FRMD4A: variants seen among roughly 807,000 people sequenced by gnomAD.
The protein encoded by FRMD4A is FERM domain-containing protein 4A.
FRMD4A carries 29 observed loss-of-function variants against 129.1 expected under a neutral mutation model. That is an observed-to-expected ratio of 0.22 (90% CI 0.17 to 0.31). FRMD4A has a LOEUF of 0.31. Among genes scored for constraint, FRMD4A ranks in the 10% least tolerant of loss-of-function variants. The pLI is 1.00. For synonymous variants in FRMD4A, 634 were observed against 571.6 expected, an observed-to-expected ratio of 1.11 and a Z score of -1.56; for missense variants, 1,272 against 1,375.8, an observed-to-expected ratio of 0.92 and a Z score of 1.19.
At chr10:13,841,001 G>C (rs2093956189) in intron 3 of FRMD4A, among the ~76,000 whole-genome samples, 1 of 152,064 alleles carries the variant, frequency 6.6e-6, no homozygotes, top group East Asian at 1.9e-4. Context: ...CAAGCTACTA[G>C]GGAGGCTGAG....
intron 2 of FRMD4A, among the ~76,000 whole-genome samples, chr10:14,038,446 A>G (rs1408290006): frequency 6.6e-6 from 1 of 152,232 alleles, no homozygotes; most frequent in Non-Finnish European, 1.5e-5. Flanking sequence ...GATGAAAATT[A>G]AAATGACGCT....
chr10:14,024,946 C>T (rs1173052268), intron 2 of FRMD4A, among the ~76,000 whole-genome samples: 1 of 152,224 alleles, frequency 6.6e-6, no homozygotes, highest in African/African-American at 2.4e-5. Context: ...GGCAGTGGGT[C>T]CCACAGAAGT....
intron 2 of FRMD4A, among the ~76,000 whole-genome samples, chr10:14,084,652 T>C (rs1836151057): frequency 6.6e-6 from 1 of 152,230 alleles, no homozygotes; most frequent in African/African-American, 2.4e-5. Flanking sequence ...TACTCCTACC[T>C]GCCTCCTTTA....
chr10:14,043,259 G>A (rs892454193), intron 2 of FRMD4A, among the ~76,000 whole-genome samples: 5 of 152,080 alleles, frequency 3.3e-5, no homozygotes, highest in African/African-American at 1.2e-4. Context: ...ATTTTTTTAT[G>A]AGAAATTCTA....
chr10:13,740,602 G>A lies in FRMD4A; in HGVS notation c.549-25C>T, dbSNP rs373333975. 7.9e-5 allele frequency: 103 copies of A among 1,296,386 alleles called. No homozygotes were observed. In the African/African-American group the frequency reaches 1.3e-3, roughly 17 times the overall value. The allele number at this position is 1,296,386 out of a possible 1,614,324, so 80.3% of individuals were successfully genotyped here. On this transcript the variant is annotated intron_variant, in intron 9 of 24. Transcript: ENST00000357447. ...ACTGTAATTAGAAGAAAAGAATGCT[G>A]TTGTTGGAGTCTCTAGGTCAACAGC...
intron 2 of FRMD4A, among the ~76,000 whole-genome samples, chr10:13,922,095 G>A (rs541939894): frequency 1.2e-4 from 18 of 152,278 alleles, no homozygotes; most frequent in South Asian, 6.2e-4. Flanking sequence ...GAAGGTGGCC[G>A]TCTGCAAGCC....
At chr10:13,734,641 ACTTCT>A (rs1348906035) in intron 12 of FRMD4A, among the ~76,000 whole-genome samples, 3 of 123,126 alleles carry the variant, frequency 2.4e-5, no homozygotes, top group Admixed American at 8.1e-5. Flanking sequence ...CTCTGTGGGG[ACTTCT>A]CTTCTCCTTA....
intron 2 of FRMD4A, among the ~76,000 whole-genome samples, chr10:13,942,901 C>T (rs2095303950): frequency 2.0e-5 from 3 of 151,610 alleles, no homozygotes; most frequent in African/African-American, 7.3e-5. Context: ...CCACTGCACT[C>T]TAGCCTGGCG....
At chr10:13,771,939 A>C (rs1422021847) in intron 6 of FRMD4A, among the ~76,000 whole-genome samples, 6 of 151,422 alleles carry the variant, frequency 4.0e-5, no homozygotes, top group East Asian at 1.9e-4. Context: ...CAAACAAAAC[A>C]AAACAAAACA....
intron 6 of FRMD4A, among the ~76,000 whole-genome samples, chr10:13,763,876 C>G (rs993611749): frequency 6.6e-6 from 1 of 152,030 alleles, no homozygotes; most frequent in Admixed American, 6.6e-5. Context: ...GCTGGGACTA[C>G]AGGCATACAC....
intron 2 of FRMD4A, among the ~76,000 whole-genome samples, chr10:13,867,909 T>A (rs926473203): frequency 7.1e-6 from 1 of 141,482 alleles, no homozygotes; most frequent in African/African-American, 2.6e-5. Context: ...ATAATATATA[T>A]AATATAATAT....
chr10:13,791,902 T>C (rs189794125), intron 5 of FRMD4A, among the ~76,000 whole-genome samples: 7 of 152,294 alleles, frequency 4.6e-5, no homozygotes, highest in African/African-American at 1.7e-4. Context: ...GTTCAAAGAA[T>C]ACCTTCCGGC....
In FRMD4A at chr10:13,988,775, C is replaced by CATCT. The variant is rs2095592045; in HGVS notation, c.46-129864_46-129863insAGAT. On this transcript the variant is annotated intron_variant, in intron 2 of 24. Coordinates refer to ENST00000357447, the MANE Select transcript of FRMD4A (RefSeq NM_018027.5). ...ATAGAGATCTATCTGCCTATCCATC[C>CATCT]GTCTATCTATCTATCTACCTACCTA... is the stretch of plus-strand genomic sequence containing the variant. Among the ~76,000 whole-genome samples the CATCT allele has an allele frequency of 8.5e-5, 13 of 152,086 alleles. 1 individual carries two copies. The highest frequency in any genetic ancestry group is 6.8e-3 in the Middle Eastern group (2 of 292).
chr10:14,264,429 G>A (rs930520224), intron 2 of FRMD4A, among the ~76,000 whole-genome samples: 3 of 152,074 alleles, frequency 2.0e-5, no homozygotes, highest in Non-Finnish European at 2.9e-5. Flanking sequence ...AAAAGTGACT[G>A]TTTTATAAAT....
At chr10:13,932,894 C>T (rs1041527500) in intron 2 of FRMD4A, among the ~76,000 whole-genome samples, 1 of 152,152 alleles carries the variant, frequency 6.6e-6, no homozygotes, top group South Asian at 2.1e-4. Context: ...GGTGCGGTAG[C>T]TCAAGCCTGT....
At chr10:13,977,348 A>G (rs947159830) in intron 2 of FRMD4A, among the ~76,000 whole-genome samples, 3 of 152,152 alleles carry the variant, frequency 2.0e-5, no homozygotes, top group South Asian at 2.1e-4. Context: ...ATTTACTGCA[A>G]ATTTCTTTCT....
chr10:14,003,679 AG>A (rs2095651140), intron 2 of FRMD4A: 1 of 138,502 alleles, frequency 7.2e-6, no homozygotes, highest in Non-Finnish European at 1.6e-5. Context: ...CTACAGCAGC[AG>A]AGAATACAGA....
chr10:13,873,642 G>A (rs1228400248), intron 2 of FRMD4A, among the ~76,000 whole-genome samples: 3 of 152,128 alleles, frequency 2.0e-5, no homozygotes, highest in Non-Finnish European at 4.4e-5. Context: ...TGTCTCCCAG[G>A]TTCAAGTGAT....
intron 2 of FRMD4A, among the ~76,000 whole-genome samples, chr10:14,223,920 C>T (rs544954545): frequency 1.3e-5 from 2 of 152,282 alleles, no homozygotes; most frequent in Non-Finnish European, 2.9e-5. Context: ...CCCTCATTAA[C>T]TCTTTCCTGC....
Sources: allele counts gnomAD v4.1 joint callset (sites outside exome capture counted in the v4.1 genomes callset), GRCh38; gene constraint gnomAD v4.1.1; transcripts MANE v1.5; gene names NCBI Gene and HGNC (gene_info 2026-07-23, HGNC 2026-07-21).